The following GALNTL6 variants were observed in gnomAD, a reference collection of about 807,000 sequenced individuals.
GALNTL6 encodes polypeptide N-acetylgalactosaminyltransferase like 6.
Under a neutral mutation model 73.7 loss-of-function variants are expected in GALNTL6, and 46 were observed. That is an observed-to-expected ratio of 0.62 (90% CI 0.49 to 0.80). GALNTL6 has a LOEUF of 0.80. Ranked by LOEUF, GALNTL6 falls within the 30% of genes least tolerant of loss-of-function variation. The probability of loss-of-function intolerance (pLI) is 0.00; values close to 1 mark genes in which losing one functional copy is unlikely to be tolerated. For missense variants in GALNTL6, 604 were observed against 755.0 expected (o/e 0.80, Z 2.34); for synonymous variants, 259 against 263.7 (o/e 0.98, Z 0.17).
At chr4:172,857,370 T>C (rs1288577567) in intron 7 of GALNTL6, among the ~76,000 whole-genome samples, 1 of 152,150 alleles carries the variant, frequency 6.6e-6, no homozygotes, top group Admixed American at 6.5e-5. Context: ...TAAAGCCCTA[T>C]GTCTCATCCA....
At chr4:172,638,116 G>T (rs558006529) in intron 5 of GALNTL6, among the ~76,000 whole-genome samples, 1 of 151,964 alleles carries the variant, frequency 6.6e-6, no homozygotes, top group Non-Finnish European at 1.5e-5. Context: ...TTCACTATTC[G>T]CAGAAGTGAC....
intron 2 of GALNTL6, among the ~76,000 whole-genome samples, chr4:172,150,797 A>C (rs1014008754): frequency 6.6e-6 from 1 of 152,226 alleles, no homozygotes; most frequent in Non-Finnish European, 1.5e-5. Context: ...ATTTTTAAGC[A>C]TACTCACCTA....
intron 5 of GALNTL6, among the ~76,000 whole-genome samples, chr4:172,749,962 G>A (rs1307135697): frequency 6.6e-6 from 1 of 152,104 alleles, no homozygotes; most frequent in Admixed American, 6.6e-5. Context: ...TCCTTCAGAA[G>A]AAACGCTTCT....
intron 5 of GALNTL6, among the ~76,000 whole-genome samples, chr4:172,674,396 C>A (rs187707433): frequency 1.2e-4 from 18 of 152,184 alleles, no homozygotes; most frequent in African/African-American, 4.1e-4. Flanking sequence ...TCCTTTATCA[C>A]TTTTTCTTTC....
chr4:172,288,613 T>C (rs1166940520), intron 3 of GALNTL6, among the ~76,000 whole-genome samples: 1 of 152,222 alleles, frequency 6.6e-6, no homozygotes, highest in Non-Finnish European at 1.5e-5. Context: ...AGTTTCCATA[T>C]GAACTGGAAG....
intron 5 of GALNTL6, among the ~76,000 whole-genome samples, chr4:172,471,068 C>T (rs1292130933): frequency 6.6e-6 from 1 of 152,186 alleles, no homozygotes; most frequent in Non-Finnish European, 1.5e-5. Context: ...TTCCTCTAGT[C>T]TCCCAGGGTC....
At chr4:172,370,488 A>G (rs1742756962) in intron 5 of GALNTL6, among the ~76,000 whole-genome samples, 1 of 151,596 alleles carries the variant, frequency 6.6e-6, no homozygotes, top group Non-Finnish European at 1.5e-5. Flanking sequence ...TAGCCAGGCT[A>G]ATTTTGGTGG....
chr4:172,414,763 A>C (rs1744564978), intron 5 of GALNTL6, among the ~76,000 whole-genome samples: 1 of 152,192 alleles, frequency 6.6e-6, no homozygotes, highest in South Asian at 2.1e-4. Flanking sequence ...ACTCAGATTT[A>C]AGTAGGAAGA....
chr4:172,797,355 T>C (rs1740331205), intron 5 of GALNTL6, among the ~76,000 whole-genome samples: 1 of 152,158 alleles, frequency 6.6e-6, no homozygotes, highest in Admixed American at 6.5e-5. Context: ...CAAGCAATTA[T>C]CCTGCCTCAG....
chr4:172,591,680 G>A (rs1737641438), intron 5 of GALNTL6, among the ~76,000 whole-genome samples: 1 of 152,132 alleles, frequency 6.6e-6, no homozygotes, highest in Non-Finnish European at 1.5e-5. Context: ...CCTGGCAAAT[G>A]TTTGGCTTAT....
At chr4:172,325,910 A>G (rs1740925174) in intron 4 of GALNTL6, among the ~76,000 whole-genome samples, 1 of 151,854 alleles carries the variant, frequency 6.6e-6, no homozygotes, top group Non-Finnish European at 1.5e-5. Context: ...AGCAGAGTTT[A>G]TATTCTTCTC....
intron 2 of GALNTL6, among the ~76,000 whole-genome samples, chr4:172,062,629 T>C (rs1579100733): frequency 6.6e-6 from 1 of 152,212 alleles, no homozygotes; most frequent in Non-Finnish European, 1.5e-5. Context: ...ACATCCAAAA[T>C]CAGCATTCCA....
chr4:171,891,548 T>A (rs1736763757), intron 2 of GALNTL6, among the ~76,000 whole-genome samples: 1 of 152,324 alleles, frequency 6.6e-6, no homozygotes, highest in East Asian at 1.9e-4. Context: ...TTAAAAAAAA[T>A]TCCAGTGATT....
At chr4:172,096,833 T>G (rs1732370915) in intron 2 of GALNTL6, among the ~76,000 whole-genome samples, 1 of 152,212 alleles carries the variant, frequency 6.6e-6, no homozygotes, top group Non-Finnish European at 1.5e-5. Flanking sequence ...ATCCTAATTA[T>G]CTTCCATAAA....
chr4:172,527,759 T>C (rs1171409922), intron 5 of GALNTL6, among the ~76,000 whole-genome samples: 1 of 152,196 alleles, frequency 6.6e-6, no homozygotes, highest in African/African-American at 2.4e-5. Flanking sequence ...TCTCTTCCTT[T>C]AACTTATCCC....
chr4:172,243,869 C>A (rs1737534194), intron 3 of GALNTL6, among the ~76,000 whole-genome samples: 2 of 152,076 alleles, frequency 1.3e-5, no homozygotes, highest in Admixed American at 6.6e-5. Context: ...AAATGTGCAC[C>A]ATTTGGGTGA....
chr4:172,609,165 A>G (rs1034012091), intron 5 of GALNTL6, among the ~76,000 whole-genome samples: 1 of 152,110 alleles, frequency 6.6e-6, no homozygotes, highest in African/African-American at 2.4e-5. Context: ...TAGAATTTCT[A>G]GTACTATTAT....
At chr4:173,039,108 T>G (rs1042920801) in intron 12 of GALNTL6, among the ~76,000 whole-genome samples, 9 of 152,238 alleles carry the variant, frequency 5.9e-5, no homozygotes, top group African/African-American at 2.2e-4. Context: ...ATGAGCTTGC[T>G]CACTACTTAA....
intron 10 of GALNTL6, among the ~76,000 whole-genome samples, chr4:173,001,637 T>C (rs963905938): frequency 1.3e-5 from 2 of 152,226 alleles, no homozygotes; most frequent in African/African-American, 2.4e-5. Context: ...GATTAAGATC[T>C]AGAATATATA....
Sources: allele counts gnomAD v4.1 joint callset (sites outside exome capture counted in the v4.1 genomes callset), GRCh38; gene constraint gnomAD v4.1.1; transcripts MANE v1.5; gene names NCBI Gene and HGNC (gene_info 2026-07-23, HGNC 2026-07-21).